SMYD3: variants seen among roughly 807,000 people sequenced by gnomAD.
The protein encoded by SMYD3 is SET and MYND domain containing 3, also known as histone-lysine N-methyltransferase SMYD3.
In SMYD3, 36 loss-of-function variants were observed where a neutral mutation model predicts 57.7. The ratio of observed to expected loss-of-function variants is 0.62; its 90% CI spans 0.48 to 0.82. The LOEUF (loss-of-function observed/expected upper bound fraction) is 0.82. Among genes scored for constraint, SMYD3 ranks in the 40% least tolerant of loss-of-function variants. The probability of loss-of-function intolerance (pLI) is 0.00; values close to 1 mark genes in which losing one functional copy is unlikely to be tolerated. For synonymous variants in SMYD3, 211 were observed against 195.0 expected (o/e 1.08, Z -0.68); for missense variants, 515 against 538.8 (o/e 0.96, Z 0.44).
rs557100548 is a variant in SMYD3 at position 246,228,752 on chromosome 1, C to T, written c.531+98449G>A. Among the ~76,000 whole-genome samples, 3 of 152,228 alleles carry T rather than the reference C, an allele frequency of 2.0e-5. 1 individual carries two copies. Among genetic ancestry groups the T allele is most frequent in the South Asian group, 4.2e-4 (2 of 4,818 alleles). Reference sequence around the variant, plus strand: ...AGAAAACAAGGTGTTTCCAGCAGCACCATCACTTTATGAAAAAAATTAAAC... The same window carrying T: ...AGAAAACAAGGTGTTTCCAGCAGCATCATCACTTTATGAAAAAAATTAAAC... On this transcript the variant is annotated intron_variant, in intron 5 of 11. Transcript: ENST00000490107.
Position 245,973,353 on chromosome 1 carries a change from A to G in SMYD3, c.532-43416T>C, listed in dbSNP as rs193302815. 1.8e-4 allele frequency among the ~76,000 whole-genome samples: 27 copies of G among 152,362 alleles called. 1 individual carries two copies. Among genetic ancestry groups the G allele is most frequent in the African/African-American group, 5.5e-4 (23 of 41,586 alleles). On this transcript the variant is annotated intron_variant, in intron 5 of 11. Coordinates refer to ENST00000490107, the MANE Select transcript of SMYD3 (RefSeq NM_001167740.2). ...AGGAAGGCATATAATCGGGGTGTCC[A>G]TGTTATACACAGGGTGTTCACCCAA...
intron 11 of SMYD3, among the ~76,000 whole-genome samples, chr1:245,755,389 G>T (rs1381836392): frequency 6.6e-6 from 1 of 152,178 alleles, no homozygotes; most frequent in Non-Finnish European, 1.5e-5. Context: ...TTTTCTAAAT[G>T]TCAGGTCCCA....
intron 5 of SMYD3, among the ~76,000 whole-genome samples, chr1:246,169,381 C>CA (rs55719556): frequency 0.025 from 1,522 of 61,774 alleles, 86 homozygotes; most frequent in African/African-American, 0.069. Context: ...GACTTTCTTT[C>CA]AAAAAAAAAA....
intron 5 of SMYD3, among the ~76,000 whole-genome samples, chr1:245,992,322 A>G (rs1000774084): frequency 2.0e-5 from 3 of 152,170 alleles, no homozygotes; most frequent in Non-Finnish European, 1.5e-5. Flanking sequence ...ATCATATTCT[A>G]TTGGTCACAC....
chr1:246,345,166 T>C (rs2065692824), intron 2 of SMYD3, among the ~76,000 whole-genome samples: 1 of 152,168 alleles, frequency 6.6e-6, no homozygotes, highest in South Asian at 2.1e-4. Flanking sequence ...ATCCAAAGAG[T>C]TTCTCCTATG....
chr1:246,210,745 A>T (rs962044789), intron 5 of SMYD3, among the ~76,000 whole-genome samples: 2 of 152,016 alleles, frequency 1.3e-5, no homozygotes, highest in African/African-American at 4.8e-5. Flanking sequence ...AATTGGCTCT[A>T]CAAATCCATT....
In SMYD3 at chr1:246,273,163, G is replaced by GT. The variant is rs368350320; in HGVS notation, c.531+54037_531+54038insA. On this transcript the variant is annotated intron_variant, in intron 5 of 11. Coordinates refer to ENST00000490107, the MANE Select transcript of SMYD3 (RefSeq NM_001167740.2). ...TTTTTTTTTTTTTTTCTTTTTTTTG[G>GT]GGGGGGGACAGAGTCTTGCTCTGTT... 4.9e-4 allele frequency among the ~76,000 whole-genome samples: 25 copies of GT among 51,214 alleles called. 1 individual carries two copies. The highest frequency in any genetic ancestry group is 1.5e-3 in the African/African-American group (16 of 10,550). The allele number at this position is 51,214 out of a possible 152,430, so 33.6% of individuals were successfully genotyped here. A position where few individuals can be genotyped will look rare whatever the true frequency, so the allele number is the denominator to read the frequency against.
At chr1:246,151,052 C>G (rs2148155270) in intron 5 of SMYD3, among the ~76,000 whole-genome samples, 1 of 152,090 alleles carries the variant, frequency 6.6e-6, no homozygotes, top group South Asian at 2.1e-4. Context: ...TCAAGACCAG[C>G]CTGGCCAAGA....
chr1:246,144,836 G>A (rs1487273467), intron 5 of SMYD3, among the ~76,000 whole-genome samples: 2 of 152,192 alleles, frequency 1.3e-5, no homozygotes, highest in East Asian at 3.8e-4. Flanking sequence ...CTTCACAGAA[G>A]ACTAGGGACA....
chr1:246,003,119 G>A (rs559606208), intron 5 of SMYD3, among the ~76,000 whole-genome samples: 2 of 152,224 alleles, frequency 1.3e-5, no homozygotes, highest in Admixed American at 1.3e-4. Context: ...GAGGCGGAGG[G>A]AAAGACGGTA....
At chr1:245,770,970 G>A (rs2046307998) in intron 10 of SMYD3, among the ~76,000 whole-genome samples, 1 of 152,022 alleles carries the variant, frequency 6.6e-6, no homozygotes, top group Non-Finnish European at 1.5e-5. Context: ...GAAATAAACA[G>A]GAGCAGAGGT....
chr1:245,852,069 G>A (rs2051003673), intron 10 of SMYD3, among the ~76,000 whole-genome samples: 2 of 152,218 alleles, frequency 1.3e-5, no homozygotes, highest in South Asian at 4.1e-4. Context: ...GGTATGTGAA[G>A]CTGCCAGATC....
At chr1:245,866,002 A>C (rs2051815038) in intron 8 of SMYD3, among the ~76,000 whole-genome samples, 1 of 152,168 alleles carries the variant, frequency 6.6e-6, no homozygotes, top group Non-Finnish European at 1.5e-5. Flanking sequence ...AGGATGACAT[A>C]AGGGTGAGGA....
At chr1:246,330,728 C>G (rs576593748) in intron 3 of SMYD3, among the ~76,000 whole-genome samples, 191 bp from the exon 4 acceptor site, 1 of 152,286 alleles carries the variant, frequency 6.6e-6, no homozygotes, top group East Asian at 1.9e-4. Flanking sequence ...TAACTTGTAT[C>G]TTCACTCAAC....
intron 8 of SMYD3, among the ~76,000 whole-genome samples, chr1:245,884,235 C>T (rs2052952837): frequency 6.6e-6 from 1 of 152,176 alleles, no homozygotes; most frequent in Admixed American, 6.5e-5. Flanking sequence ...ATAGGTCTCC[C>T]TGACCATGAT....
chr1:246,165,946 C>G (rs1459333912), intron 5 of SMYD3, among the ~76,000 whole-genome samples: 1 of 151,950 alleles, frequency 6.6e-6, no homozygotes, highest in Non-Finnish European at 1.5e-5. Flanking sequence ...CCTAAGAGGG[C>G]TGTCTAGAAG....
chr1:246,262,410 G>A (rs1276472071), intron 5 of SMYD3, among the ~76,000 whole-genome samples: 1 of 152,180 alleles, frequency 6.6e-6, no homozygotes, highest in African/African-American at 2.4e-5. Flanking sequence ...ACCAAACACA[G>A]TTCTGGACAT....
At chr1:246,393,310 T>C (rs1278477418) in intron 1 of SMYD3, among the ~76,000 whole-genome samples, 1 of 152,180 alleles carries the variant, frequency 6.6e-6, no homozygotes, top group African/African-American at 2.4e-5. Flanking sequence ...AGCTTGACCA[T>C]TATAATCCAG....
intron 5 of SMYD3, among the ~76,000 whole-genome samples, chr1:245,963,626 C>A (rs2058066225): frequency 1.3e-5 from 2 of 150,898 alleles, no homozygotes; most frequent in South Asian, 4.2e-4. Flanking sequence ...GGAAAAGGAC[C>A]ATTTTGAAAA....
Sources: allele counts gnomAD v4.1 joint callset (sites outside exome capture counted in the v4.1 genomes callset), GRCh38; gene constraint gnomAD v4.1.1; transcripts MANE v1.5; gene names NCBI Gene and HGNC (gene_info 2026-07-23, HGNC 2026-07-21).